CTNND2: variants seen among roughly 807,000 people sequenced by gnomAD.
The protein encoded by CTNND2 is catenin delta-2.
Under a neutral mutation model 144.4 loss-of-function variants are expected in CTNND2, and 22 were observed. The observed-to-expected ratio is 0.15, with a 90% CI of 0.11 to 0.22. The LOEUF is 0.22. Among genes scored for constraint, CTNND2 ranks in the 10% least tolerant of loss-of-function variants. CTNND2 has a pLI of 1.00. For missense variants in CTNND2, 1,353 were observed against 1,618.8 expected (o/e 0.84, Z 2.82); for synonymous variants, 751 against 695.6 (o/e 1.08, Z -1.25).
intron 9 of CTNND2, among the ~76,000 whole-genome samples, chr5:11,238,954 C>T (rs1474899568): frequency 6.6e-6 from 1 of 152,194 alleles, no homozygotes; most frequent in African/African-American, 2.4e-5. Context: ...TTCTAAACCA[C>T]GTCTGCAAGG....
At chr5:11,723,925 G>A (rs1478828985) in intron 2 of CTNND2, among the ~76,000 whole-genome samples, 1 of 151,904 alleles carries the variant, frequency 6.6e-6, no homozygotes, top group African/African-American at 2.4e-5. Context: ...GCGTAGTGGC[G>A]GGCACCTGTA....
At chr5:11,837,153 G>A (rs1417579356) in intron 1 of CTNND2, among the ~76,000 whole-genome samples, 2 of 152,274 alleles carry the variant, frequency 1.3e-5, no homozygotes, top group South Asian at 2.1e-4. Flanking sequence ...ACACATGTCC[G>A]TTAAAGTCCC....
chr5:11,364,740 T>G lies in CTNND2; in HGVS notation c.1328A>C (p.Asp443Ala). The change falls in exon 8 of 22, where the codon GAC (aspartate) becomes GCC (alanine). Residue 443 changes from aspartate to alanine, a missense_variant. Asp to Ala is a moderately radical substitution (Grantham distance 126). This residue lies in a region of CTNND2 where 708 missense variants were observed against 706.4 expected (regional missense o/e 1.00). Transcript: ENST00000304623. ...GCCGGTGTGTGCTGGCGGCAGAGGG[T>G]CCCCCTGGCTCTGGCTGAGACTCCT... ...PMRSLSQSQG[D>A]PLPPAHTGTY... 6.2e-7 allele frequency: 1 copy of G among 1,613,310 alleles called. No individual in the cohort carries two copies. Among genetic ancestry groups the G allele is most frequent in the Non-Finnish European group, 8.5e-7 (1 of 1,179,780 alleles).
In CTNND2 at chr5:11,240,386, T is replaced by TCAAACACACACCCAACACA. The variant is rs147304815; in HGVS notation, c.1629-3564_1629-3563insTGTGTTGGGTGTGTGTTTG. ...ACACACACCCAACACACACATACACTCACACACCCAACACACACACCCACA... is the reference window on the plus strand; with the variant it reads ...ACACACACCCAACACACACATACACTCAAACACACACCCAACACACACACACCCAACACACACACCCACA... On this transcript the variant is annotated intron_variant, in intron 9 of 21. Transcript: ENST00000304623. Among the ~76,000 whole-genome samples the TCAAACACACACCCAACACA allele has an allele frequency of 3.8e-4, 36 of 93,836 alleles. 3 individuals carry two copies. The East Asian group carries it at 0.01, about 27-fold the overall frequency. 61.6% of individuals were successfully genotyped at this position (93,836 alleles called of 152,430 possible).
At chr5:11,665,031 C>CT (rs1381201304) in intron 2 of CTNND2, among the ~76,000 whole-genome samples, 4 of 152,124 alleles carry the variant, frequency 2.6e-5, no homozygotes, top group Admixed American at 1.3e-4. Context: ...AGTTGCCAGC[C>CT]TTCTTTTGAT....
At chr5:11,873,155 G>C (rs891328433) in intron 1 of CTNND2, among the ~76,000 whole-genome samples, 1 of 152,158 alleles carries the variant, frequency 6.6e-6, no homozygotes, top group Non-Finnish European at 1.5e-5. Context: ...TGGAGACACA[G>C]GGATTCAATA....
intron 2 of CTNND2, among the ~76,000 whole-genome samples, chr5:11,673,506 T>C (rs1252379214): frequency 6.6e-6 from 1 of 152,160 alleles, no homozygotes; most frequent in African/African-American, 2.4e-5. Flanking sequence ...TATGCATAAG[T>C]TTTGGGTTTT....
chr5:11,589,282 A>AACACACACACACACAC (rs34009518), intron 2 of CTNND2, among the ~76,000 whole-genome samples: 99 of 146,714 alleles, frequency 6.7e-4, no homozygotes, highest in South Asian at 1.8e-3. Context: ...TTAACATTAA[A>AACACACACACACACAC]ACACACACAC....
At chr5:11,744,053 C>T (rs546145854) in intron 1 of CTNND2, among the ~76,000 whole-genome samples, 18 of 152,254 alleles carry the variant, frequency 1.2e-4, no homozygotes, top group African/African-American at 3.9e-4. Flanking sequence ...ACAGGGGAGA[C>T]GCCTAAGCAG....
At chr5:11,406,302 A>T (rs553709769) in intron 5 of CTNND2, among the ~76,000 whole-genome samples, 1 of 152,318 alleles carries the variant, frequency 6.6e-6, no homozygotes, top group African/African-American at 2.4e-5. Context: ...ATCTGGGATA[A>T]GGAAGGTTTT....
intron 2 of CTNND2, among the ~76,000 whole-genome samples, chr5:11,717,419 C>CA (rs1384487833): frequency 6.7e-6 from 1 of 149,758 alleles, no homozygotes; most frequent in African/African-American, 2.5e-5. Context: ...ACTGCAAATA[C>CA]AAAAAAAATT....
intron 1 of CTNND2, among the ~76,000 whole-genome samples, chr5:11,876,623 T>C (rs931714844): frequency 2.6e-5 from 4 of 152,174 alleles, no homozygotes; most frequent in African/African-American, 7.2e-5. Flanking sequence ...AATAGTCCAG[T>C]AGCCTGATCT....
intron 6 of CTNND2, among the ~76,000 whole-genome samples, chr5:11,393,989 T>C (rs1040153042): frequency 6.6e-6 from 1 of 152,112 alleles, no homozygotes; most frequent in Non-Finnish European, 1.5e-5. Flanking sequence ...TGCTGCTCTG[T>C]CAGCATGCCA....
chr5:11,274,395 G>C (rs1334721092), intron 9 of CTNND2, among the ~76,000 whole-genome samples: 1 of 152,080 alleles, frequency 6.6e-6, no homozygotes, highest in Non-Finnish European at 1.5e-5. Flanking sequence ...CATATGAAAG[G>C]ACCATCTTAT....
chr5:11,239,068 T>C (rs10474912), intron 9 of CTNND2, among the ~76,000 whole-genome samples: 34,804 of 152,212 alleles, frequency 0.23, 4,166 homozygotes, highest in Middle Eastern at 0.33. Context: ...AAATTAGGAG[T>C]GTGGAGACAC....
chr5:11,068,833 C>T (rs754894404), intron 16 of CTNND2, among the ~76,000 whole-genome samples: 19 of 152,170 alleles, frequency 1.2e-4, no homozygotes, highest in South Asian at 4.1e-4. Flanking sequence ...AGGAGAATGG[C>T]GTGAACCTGG....
chr5:11,451,931 C>G (rs533613721), intron 3 of CTNND2, among the ~76,000 whole-genome samples: 1 of 152,216 alleles, frequency 6.6e-6, no homozygotes, highest in African/African-American at 2.4e-5. Flanking sequence ...ATAAACGCAG[C>G]TGGCAACCAT....
chr5:11,831,796 G>A (rs1341799295), intron 1 of CTNND2, among the ~76,000 whole-genome samples: 1 of 151,964 alleles, frequency 6.6e-6, no homozygotes, highest in African/African-American at 2.4e-5. Context: ...TAAAACAACT[G>A]GACATATTTT....
intron 2 of CTNND2, among the ~76,000 whole-genome samples, chr5:11,595,453 A>G (rs1779458444): frequency 1.3e-5 from 2 of 152,204 alleles, no homozygotes. Flanking sequence ...AGGGTATATT[A>G]AATCTATTAA....
Sources: gnomAD v4.1 joint callset for allele counts (sites outside exome capture counted in the v4.1 genomes callset) on GRCh38, gnomAD v4.1.1 for gene constraint, gnomAD v4.1.1 regional missense constraint, MANE v1.5 for transcripts, NCBI Gene and HGNC (gene_info 2026-07-23, HGNC 2026-07-21) for gene names.